Variants in CCDC178 observed in about 807,000 individuals in gnomAD.
CCDC178 encodes the protein coiled-coil domain-containing protein 178.
In CCDC178, 126 loss-of-function variants were observed where a neutral mutation model predicts 117.4. The observed-to-expected ratio is 1.07, with a 90% CI of 0.93 to 1.24. The LOEUF (loss-of-function observed/expected upper bound fraction) is 1.24, where lower values mean the gene tolerates loss of function less well. CCDC178 is among the 50% of genes most tolerant of loss of function. The pLI, the probability that CCDC178 is intolerant of heterozygous loss-of-function variation, is 0.00. For missense variants in CCDC178, 1,030 were observed against 986.9 expected (o/e 1.04, Z -0.59); for synonymous variants, 283 against 313.4 (o/e 0.90, Z 1.02).
At chr18:33,422,670 T>A (rs1265914398) in intron 2 of CCDC178, among the ~76,000 whole-genome samples, 2 of 152,186 alleles carry the variant, frequency 1.3e-5, no homozygotes, top group African/African-American at 4.8e-5. Context: ...AATAGCTACA[T>A]GTGGCTATTG....
intron 21 of CCDC178, among the ~76,000 whole-genome samples, chr18:33,082,041 CT>C (rs2057305867): frequency 6.6e-6 from 1 of 152,154 alleles, no homozygotes; most frequent in African/African-American, 2.4e-5. Context: ...GAGTAAATTG[CT>C]TTACTTGAAG....
intron 9 of CCDC178, among the ~76,000 whole-genome samples, chr18:33,344,393 C>G (rs569351316): frequency 4.0e-5 from 6 of 150,356 alleles, no homozygotes; most frequent in African/African-American, 1.5e-4. Flanking sequence ...CGTAAAATAA[C>G]GCAGACGAAC....
At chr18:33,064,621 GT>G (rs1041635845) in intron 21 of CCDC178, among the ~76,000 whole-genome samples, 1 of 152,190 alleles carries the variant, frequency 6.6e-6, no homozygotes, top group African/African-American at 2.4e-5. Flanking sequence ...TAGAGCAATT[GT>G]AAGTTAGGAC....
At chr18:33,034,189 C>G (rs1431217035) in intron 21 of CCDC178, among the ~76,000 whole-genome samples, 1 of 151,948 alleles carries the variant, frequency 6.6e-6, no homozygotes, top group Non-Finnish European at 1.5e-5. Flanking sequence ...TGTCTCATTT[C>G]CTTCCTTCCC....
chr18:33,224,909 G>T lies in CCDC178; in HGVS notation c.1684C>A (p.Gln562Lys). The T allele has an allele frequency of 6.5e-7, 1 of 1,530,390 alleles. No individual in the cohort carries two copies. Among genetic ancestry groups the T allele is most frequent in the Non-Finnish European group, 8.8e-7 (1 of 1,139,426 alleles). 94.8% of individuals were successfully genotyped at this position (1,530,390 alleles called of 1,614,324 possible). A position where few individuals can be genotyped will look rare whatever the true frequency, so the allele number is the denominator to read the frequency against. Residue 562 changes from glutamine to lysine, a missense_variant, in exon 17 of 23, where the codon CAG becomes AAG. Coordinates refer to ENST00000383096, the MANE Select transcript of CCDC178 (RefSeq NM_001105528.4). ...QKKLYSIYEVQALERKELIKN... is the reference protein window; with the variant it reads ...QKKLYSIYEVKALERKELIKN... Reference sequence around the variant, plus strand: ...ATAAGCTCTTTCCGCTCAAGTGCCTGGACTTCGTAAATGGAATATAGTTTT... The same window carrying T: ...ATAAGCTCTTTCCGCTCAAGTGCCTTGACTTCGTAAATGGAATATAGTTTT...
chr18:33,150,103 G>A (rs948036125), intron 20 of CCDC178, among the ~76,000 whole-genome samples: 13 of 152,102 alleles, frequency 8.5e-5, no homozygotes, highest in African/African-American at 3.1e-4. Flanking sequence ...ACAGCTAACT[G>A]ATCTTTGACA....
chr18:33,083,813 T>C (rs2057335253), intron 21 of CCDC178, among the ~76,000 whole-genome samples: 1 of 152,252 alleles, frequency 6.6e-6, no homozygotes, highest in Admixed American at 6.5e-5. Context: ...AGCAAATTTA[T>C]ACATTTTCAT....
intron 2 of CCDC178, among the ~76,000 whole-genome samples, chr18:33,433,656 A>G (rs2064249771): frequency 6.6e-6 from 1 of 152,310 alleles, no homozygotes; most frequent in South Asian, 2.1e-4. Flanking sequence ...TTATTTCCCC[A>G]TAATTACAGC....
intron 2 of CCDC178, among the ~76,000 whole-genome samples, chr18:33,417,573 C>G (rs1168615823): frequency 6.7e-6 from 1 of 149,878 alleles, no homozygotes; most frequent in Non-Finnish European, 1.5e-5. Context: ...CAAATAACTG[C>G]AAGTATTACC....
At chr18:33,173,250 A>G (rs2058625440) in intron 20 of CCDC178, among the ~76,000 whole-genome samples, 1 of 152,072 alleles carries the variant, frequency 6.6e-6, no homozygotes, top group Non-Finnish European at 1.5e-5. Context: ...GGTTTTCACT[A>G]TGTTGTCCAG....
chr18:33,137,962 A>G (rs1231695793), intron 20 of CCDC178, among the ~76,000 whole-genome samples: 1 of 152,218 alleles, frequency 6.6e-6, no homozygotes, highest in African/African-American at 2.4e-5. Context: ...CATTTAGGAT[A>G]TATTCTTTAG....
At chr18:33,163,062 G>A (rs928170594) in intron 20 of CCDC178, among the ~76,000 whole-genome samples, 5 of 151,976 alleles carry the variant, frequency 3.3e-5, no homozygotes, top group African/African-American at 1.2e-4. Context: ...GTGTATAAAC[G>A]TTCCCTTTTC....
intron 4 of CCDC178, among the ~76,000 whole-genome samples, chr18:33,395,009 T>A (rs1291612472): frequency 7.8e-6 from 1 of 127,556 alleles, no homozygotes; most frequent in Admixed American, 8.7e-5. Flanking sequence ...ATGAACAAGA[T>A]AGTTACAAAC....
intron 14 of CCDC178, among the ~76,000 whole-genome samples, chr18:33,253,471 TA>T (rs968330010): frequency 2.0e-5 from 3 of 151,846 alleles, no homozygotes; most frequent in Non-Finnish European, 4.4e-5. Flanking sequence ...ATTTGCTTTT[TA>T]ACCATTAAAT....
At chr18:33,404,424 T>A (rs937513115) in intron 3 of CCDC178, among the ~76,000 whole-genome samples, 2 of 151,558 alleles carry the variant, frequency 1.3e-5, no homozygotes, top group African/African-American at 4.8e-5. Flanking sequence ...TAGGAGGCTA[T>A]AATAATAAAG....
intron 22 of CCDC178, among the ~76,000 whole-genome samples, chr18:32,971,203 G>T (rs909950343): frequency 6.8e-6 from 1 of 147,058 alleles, no homozygotes; most frequent in Non-Finnish European, 1.5e-5. Context: ...GCCCTGGTTT[G>T]TGTTGTTCCC....
At chr18:33,362,359 A>G (rs1159302220) in intron 6 of CCDC178, among the ~76,000 whole-genome samples, 1 of 151,748 alleles carries the variant, frequency 6.6e-6, no homozygotes, top group Non-Finnish European at 1.5e-5. Context: ...AGGAGTTCAA[A>G]TACACAGGTA....
chr18:33,391,306 T>C (rs960320043), intron 4 of CCDC178, among the ~76,000 whole-genome samples: 1 of 151,716 alleles, frequency 6.6e-6, no homozygotes, highest in Admixed American at 6.6e-5. Context: ...AACAGCATAT[T>C]GTATTAGAAA....
At chr18:33,043,464 C>T (rs1464556902) in intron 21 of CCDC178, among the ~76,000 whole-genome samples, 2 of 152,062 alleles carry the variant, frequency 1.3e-5, no homozygotes, top group Non-Finnish European at 2.9e-5. Context: ...AGTTACTTTA[C>T]TACTTTATGC....
Sources: gnomAD v4.1 joint callset for allele counts (sites outside exome capture counted in the v4.1 genomes callset) on GRCh38, gnomAD v4.1.1 for gene constraint, MANE v1.5 for transcripts, NCBI Gene and HGNC (gene_info 2026-07-23, HGNC 2026-07-21) for gene names.